CSMD3: variants seen among roughly 807,000 people sequenced by gnomAD.
CSMD3 encodes CUB and sushi domain-containing protein 3.
Under a neutral mutation model 435.2 loss-of-function variants are expected in CSMD3, and 177 were observed. The ratio of observed to expected loss-of-function variants is 0.41; its 90% CI spans 0.36 to 0.46. The LOEUF (loss-of-function observed/expected upper bound fraction) is 0.46, where lower values mean the gene tolerates loss of function less well. Among genes scored for constraint, CSMD3 ranks in the 20% least tolerant of loss-of-function variants. CSMD3 has a pLI of 0.34. For synonymous variants in CSMD3, 1,656 were observed against 1,520.5 expected (o/e 1.09, Z -2.07); for missense variants, 4,265 against 4,504.6 (o/e 0.95, Z 1.52).
chr8:112,720,334 T>C (rs1012116209), intron 13 of CSMD3, among the ~76,000 whole-genome samples: 16 of 151,930 alleles, frequency 1.1e-4, no homozygotes, highest in Non-Finnish European at 1.3e-4. Context: ...TCTTTTTTTT[T>C]CCCCTGCTTT....
chr8:113,251,872 AAATTG>A (rs756127395), intron 3 of CSMD3, among the ~76,000 whole-genome samples: 13 of 152,068 alleles, frequency 8.5e-5, no homozygotes, highest in Non-Finnish European at 1.3e-4. Context: ...ATTAAAAAGT[AAATTG>A]TATACTTTCT....
intron 5 of CSMD3, among the ~76,000 whole-genome samples, chr8:113,047,100 G>C (rs934671198): frequency 2.6e-5 from 4 of 152,202 alleles, no homozygotes; most frequent in African/African-American, 9.6e-5. Context: ...GTTCTGAGTG[G>C]TCTGAGGGAG....
intron 13 of CSMD3, among the ~76,000 whole-genome samples, chr8:112,752,894 T>C (rs1479064562): frequency 7.3e-6 from 1 of 137,022 alleles, no homozygotes; most frequent in Non-Finnish European, 1.6e-5. Context: ...TCAGTATTTG[T>C]TACCGCGTGT....
chr8:112,837,274 AT>A (rs2080053946), intron 11 of CSMD3, among the ~76,000 whole-genome samples: 1 of 151,772 alleles, frequency 6.6e-6, no homozygotes, highest in Non-Finnish European at 1.5e-5. Context: ...AATATTAGAC[AT>A]TTTTTATTTA....
chr8:112,541,543 A>G (rs1424819385), intron 27 of CSMD3, among the ~76,000 whole-genome samples: 1 of 151,928 alleles, frequency 6.6e-6, no homozygotes, highest in Non-Finnish European at 1.5e-5. Flanking sequence ...GTCTACCAAG[A>G]CTAAATCATG....
intron 12 of CSMD3, among the ~76,000 whole-genome samples, chr8:112,812,185 C>A (rs942879219): frequency 1.1e-4 from 17 of 152,120 alleles, no homozygotes; most frequent in African/African-American, 4.1e-4. Context: ...AACTGGTGAT[C>A]AACAGCTTCC....
In CSMD3 at chr8:113,369,847, CA is replaced by C. The variant is rs558270181; in HGVS notation, c.179-55055del. On this transcript the variant is annotated intron_variant, in intron 1 of 70. Coordinates refer to ENST00000297405, the MANE Select transcript of CSMD3 (RefSeq NM_198123.2). ...ACATTCTCTCTCTCACATGTAGAAT[CA>C]AAAAAAGTTAATCTCATAGAAATAG... is the stretch of plus-strand genomic sequence containing the variant. Among the ~76,000 whole-genome samples the C allele has an allele frequency of 1.0e-3, 151 of 151,702 alleles. 2 individuals are homozygous for C. Among genetic ancestry groups the C allele is most frequent in the African/African-American group, 3.4e-3 (142 of 41,462 alleles).
At chr8:113,393,205 T>C (rs1218733124) in intron 1 of CSMD3, among the ~76,000 whole-genome samples, 1 of 151,968 alleles carries the variant, frequency 6.6e-6, no homozygotes. Context: ...ATAAAGAGAA[T>C]GTTATATTTG....
intron 20 of CSMD3, 146 bp downstream of exon 20, chr8:112,644,963 T>C: frequency 1.5e-6 from 1 of 670,384 alleles, no homozygotes; most frequent in East Asian, 2.6e-5. Flanking sequence ...TTTGTGGCAA[T>C]TATTTAAATT....
chr8:113,269,407 G>A (rs181901070), intron 3 of CSMD3, among the ~76,000 whole-genome samples: 261 of 152,156 alleles, frequency 1.7e-3, no homozygotes, highest in African/African-American at 6.0e-3. Flanking sequence ...TAGATTCAGC[G>A]CCATCCCCAT....
intron 9 of CSMD3, among the ~76,000 whole-genome samples, chr8:112,926,117 T>G (rs1465417698): frequency 6.6e-6 from 1 of 152,202 alleles, no homozygotes; most frequent in African/African-American, 2.4e-5. Flanking sequence ...TAAGTAGCCT[T>G]TCCAGTAAAA....
At chr8:113,051,614 T>C (rs1481064706) in intron 5 of CSMD3, among the ~76,000 whole-genome samples, 1 of 152,138 alleles carries the variant, frequency 6.6e-6, no homozygotes. Flanking sequence ...AAATACATAT[T>C]TGAATTGTTT....
intron 13 of CSMD3, among the ~76,000 whole-genome samples, chr8:112,742,060 C>T (rs2077324728): frequency 6.6e-6 from 1 of 151,870 alleles, no homozygotes; most frequent in African/African-American, 2.4e-5. Context: ...ATTTCTGCCA[C>T]TGAGATGCTC....
intron 44 of CSMD3, 38 bp downstream of exon 44, chr8:112,336,614 T>C: frequency 1.4e-6 from 2 of 1,443,658 alleles, no homozygotes; most frequent in Non-Finnish European, 1.9e-6. Flanking sequence ...TTACTGTGTA[T>C]ATAATTGAAT....
At chr8:112,568,961 T>A (rs576754818) in intron 24 of CSMD3, among the ~76,000 whole-genome samples, 1 of 152,290 alleles carries the variant, frequency 6.6e-6, no homozygotes, top group African/African-American at 2.4e-5. Flanking sequence ...TCTAACGATA[T>A]ACAGCAGTGA....
chr8:112,866,651 T>C (rs1028594556), intron 10 of CSMD3, among the ~76,000 whole-genome samples: 2 of 152,164 alleles, frequency 1.3e-5, no homozygotes, highest in Non-Finnish European at 2.9e-5. Context: ...ATTACATTTC[T>C]ATCTATCTTT....
intron 61 of CSMD3, among the ~76,000 whole-genome samples, chr8:112,258,762 T>G (rs569668451): frequency 7.0e-4 from 107 of 152,112 alleles, no homozygotes; most frequent in African/African-American, 2.5e-3. Flanking sequence ...TTTGATGGCC[T>G]GGCACAGTGG....
At chr8:113,168,771 T>A (rs1292944663) in intron 4 of CSMD3, among the ~76,000 whole-genome samples, 1 of 151,992 alleles carries the variant, frequency 6.6e-6, no homozygotes, top group African/African-American at 2.4e-5. Context: ...TTTCTTTAAG[T>A]TAGTTTTATC....
chr8:113,190,795 C>T (rs1002945096), intron 3 of CSMD3, among the ~76,000 whole-genome samples: 2 of 151,578 alleles, frequency 1.3e-5, no homozygotes, highest in Non-Finnish European at 2.9e-5. Context: ...CTGTTCTTAG[C>T]AAAGGTATTC....
Sources: allele counts gnomAD v4.1 joint callset (sites outside exome capture counted in the v4.1 genomes callset), GRCh38; gene constraint gnomAD v4.1.1; transcripts MANE v1.5; gene names NCBI Gene and HGNC (gene_info 2026-07-23, HGNC 2026-07-21).